The following IFT122 variants were observed in gnomAD, a reference collection of about 807,000 sequenced individuals.
IFT122 encodes intraflagellar transport protein 122 homolog.
In IFT122, 118 loss-of-function variants were observed where a neutral mutation model predicts 161.6. That is an observed-to-expected ratio of 0.73 (90% CI 0.63 to 0.85). The LOEUF (loss-of-function observed/expected upper bound fraction) is 0.85. Ranked by LOEUF, IFT122 falls within the 40% of genes least tolerant of loss-of-function variation. The pLI, the probability that IFT122 is intolerant of heterozygous loss-of-function variation, is 0.00. For missense variants in IFT122, 1,381 were observed against 1,579.6 expected, an observed-to-expected ratio of 0.87 and a Z score of 2.13; for synonymous variants, 550 against 602.4, an observed-to-expected ratio of 0.91 and a Z score of 1.27.
intron 1 of IFT122, among the ~76,000 whole-genome samples, chr3:129,448,823 C>G (rs983172812): frequency 1.3e-5 from 2 of 152,050 alleles, no homozygotes; most frequent in Non-Finnish European, 2.9e-5. Context: ...TCTCGAGTAG[C>G]TGGGATTACA....
intron 7 of IFT122, 129 bp from the exon 8 acceptor site, chr3:129,466,761 C>T: frequency 1.2e-6 from 1 of 863,056 alleles, no homozygotes; most frequent in Non-Finnish European, 2.0e-6. Context: ...CCTCGGCCTC[C>T]TGAAGTGCTG....
rs946199055 is a variant in IFT122 at position 129,499,576 on chromosome 3, A to G, written c.2209-326A>G. 3.3e-5 allele frequency among the ~76,000 whole-genome samples: 5 copies of G among 152,306 alleles called. 1 individual carries two copies. Among genetic ancestry groups the G allele is most frequent in the Admixed American group, 1.3e-4 (2 of 15,298 alleles). ...TGATCATGAACCCCCGACCCTGCAG[A>G]CTTCATGTGCAGTGCCCCAAATAGT... On this transcript the variant is annotated intron_variant, in intron 18 of 29. Coordinates refer to ENST00000348417, the MANE Select transcript of IFT122 (RefSeq NM_052989.3).
intron 13 of IFT122, among the ~76,000 whole-genome samples, chr3:129,480,440 C>T (rs2078507809): frequency 6.6e-6 from 1 of 152,184 alleles, no homozygotes; most frequent in South Asian, 2.1e-4. Context: ...TACATGTGTA[C>T]ACGTGTGTTC....
At chr3:129,458,737 A>C in intron 4 of IFT122, 60 bp downstream of exon 4, 1 of 1,294,870 alleles carries the variant, frequency 7.7e-7, no homozygotes, top group Non-Finnish European at 1.1e-6. Context: ...TTGCAGCAAA[A>C]GCCTCTTAGA....
In IFT122 at chr3:129,519,096, G is replaced by C. The variant is rs766701909; in HGVS notation, c.3392-11G>C. 6 of 1,612,996 alleles carry C rather than the reference G, an allele frequency of 3.7e-6. No homozygotes were observed. The highest frequency in any genetic ancestry group is 5.1e-6 in the Non-Finnish European group (6 of 1,178,974). Reference sequence around the variant, plus strand: ...CTGCTTCTGATTCCATCCTTGACCAGATCCCTCCAGGCTCCCAGATTCTGC... The same window carrying C: ...CTGCTTCTGATTCCATCCTTGACCACATCCCTCCAGGCTCCCAGATTCTGC... On this transcript the variant is annotated splice_polypyrimidine_tract_variant and intron_variant, in intron 27 of 29. Transcript: ENST00000348417.
intron 23 of IFT122, among the ~76,000 whole-genome samples, chr3:129,511,515 A>G (rs1355104763): frequency 6.6e-6 from 1 of 152,222 alleles, no homozygotes; most frequent in Non-Finnish European, 1.5e-5. Flanking sequence ...TGTAATCCTC[A>G]CCATCTAAAG....
intron 26 of IFT122, among the ~76,000 whole-genome samples, chr3:129,516,490 C>T (rs1428137243): frequency 7.2e-6 from 1 of 139,676 alleles, no homozygotes; most frequent in African/African-American, 2.8e-5. Flanking sequence ...GAGACTGCCC[C>T]TGCACACACA....
In IFT122 at chr3:129,464,801, C is replaced by T; in HGVS notation, c.563+20C>T. The T allele has an allele frequency of 6.2e-7, 1 of 1,613,790 alleles. No individual in the cohort carries two copies. Among genetic ancestry groups the T allele is most frequent in the South Asian group, 1.1e-5 (1 of 91,066 alleles). ...TTCAAGGTACTCTTAAAGTTGTCCTCCTTCTAGAACAAACACCATCATGAA... is the reference window on the plus strand; with the variant it reads ...TTCAAGGTACTCTTAAAGTTGTCCTTCTTCTAGAACAAACACCATCATGAA... On this transcript the variant is annotated intron_variant, in intron 7 of 29. Transcript: ENST00000348417.
intron 18 of IFT122, among the ~76,000 whole-genome samples, chr3:129,496,116 C>T (rs1372567517): frequency 6.6e-6 from 1 of 152,170 alleles, no homozygotes; most frequent in Non-Finnish European, 1.5e-5. Flanking sequence ...CCCATGTTAG[C>T]GCAGCATGCC....
At chr3:129,477,202 A>G (rs1456921597) in intron 11 of IFT122, among the ~76,000 whole-genome samples, 2 of 152,008 alleles carry the variant, frequency 1.3e-5, no homozygotes, top group Non-Finnish European at 2.9e-5. Flanking sequence ...CCCTGTCTCC[A>G]CTTGCCTCCT....
chr3:129,488,030 A>G, intron 15 of IFT122: 2 of 631,592 alleles, frequency 3.2e-6, no homozygotes, highest in Non-Finnish European at 5.5e-6. Context: ...GAGGATGGGC[A>G]GAGAGTTTGT....
chr3:129,496,383 G>T (rs964170205), intron 18 of IFT122, among the ~76,000 whole-genome samples: 1 of 152,158 alleles, frequency 6.6e-6, no homozygotes, highest in Non-Finnish European at 1.5e-5. Flanking sequence ...GGTACACTGG[G>T]CAATGAGGGT....
At chr3:129,440,786 A>C (rs3138332) in intron 1 of IFT122, among the ~76,000 whole-genome samples, 1 of 152,266 alleles carries the variant, frequency 6.6e-6, no homozygotes, top group South Asian at 2.1e-4. Context: ...CACATTTTAC[A>C]AGGAAACTTT....
intron 26 of IFT122, among the ~76,000 whole-genome samples, chr3:129,516,251 C>T (rs796878919): frequency 3.4e-5 from 5 of 146,908 alleles, no homozygotes; most frequent in African/African-American, 1.0e-4. Flanking sequence ...TGCGTGCACA[C>T]ACAGACTGCC....
chr3:129,514,772 G>A, intron 25 of IFT122: 1 of 647,400 alleles, frequency 1.5e-6, no homozygotes, highest in Non-Finnish European at 2.8e-6. Flanking sequence ...ACAGCCCCCG[G>A]CCCCGGCCTC....
rs148626512 is a variant in IFT122, at chr3:129,478,120, G to A, written c.1252G>A (p.Asp418Asn). Reference sequence around the variant, plus strand: ...CCTCATCTATGAGTTGTATTCAGAGGACTTATCAGACATGCATTACCGGGT... The same window carrying A: ...CCTCATCTATGAGTTGTATTCAGAGAACTTATCAGACATGCATTACCGGGT... ...KILIYELYSE[D>N]LSDMHYRVKE... The change falls in exon 12 of 30, where the codon GAC becomes AAC. Residue 418 changes from aspartate (D) to asparagine (N), a missense_variant. By Grantham distance (23) the Asp-to-Asn change is conservative. Transcript: ENST00000348417. 136 of 1,614,096 alleles carry A rather than the reference G, an allele frequency of 8.4e-5. No individual in the cohort carries two copies. In the African/African-American group the frequency reaches 1.3e-3, roughly 15 times the overall value.
intron 27 of IFT122, among the ~76,000 whole-genome samples, chr3:129,517,978 C>CA (rs1432395589): frequency 6.6e-6 from 1 of 152,220 alleles, no homozygotes; most frequent in African/African-American, 2.4e-5. Context: ...ATGCAAGTGA[C>CA]AGAGTCCAAA....
intron 20 of IFT122, 77 bp from the exon 21 acceptor site, chr3:129,504,242 G>A (rs2081953063): frequency 1.6e-6 from 2 of 1,223,450 alleles, no homozygotes; most frequent in Non-Finnish European, 2.4e-6. Flanking sequence ...TGTCCCTAAT[G>A]GATTCAGCCA....
At chr3:129,489,822 G>C (rs1291436726) in intron 16 of IFT122, among the ~76,000 whole-genome samples, 2 of 143,726 alleles carry the variant, frequency 1.4e-5, no homozygotes, top group Non-Finnish European at 3.0e-5. Context: ...CTGGGCCATA[G>C]AGCAAGACTC....
Sources: allele counts gnomAD v4.1 joint callset (sites outside exome capture counted in the v4.1 genomes callset), GRCh38; gene constraint gnomAD v4.1.1; transcripts MANE v1.5; gene names NCBI Gene and HGNC (gene_info 2026-07-23, HGNC 2026-07-21).